CD200R1L: variants seen among roughly 807,000 people sequenced by gnomAD.
The protein encoded by CD200R1L is CD200 receptor 1 like.
CD200R1L carries 14 observed loss-of-function variants against 24.8 expected under a neutral mutation model. The ratio of observed to expected loss-of-function variants is 0.56; its 90% confidence interval spans 0.37 to 0.88. The LOEUF (loss-of-function observed/expected upper bound fraction) is 0.88, where lower values mean the gene tolerates loss of function less well. Ranked by LOEUF, CD200R1L falls within the 40% of genes least tolerant of loss-of-function variation. CD200R1L has a pLI of 0.00. For missense variants in CD200R1L, 299 were observed against 297.8 expected (o/e 1.00, Z -0.03); for synonymous variants, 111 against 109.2 (o/e 1.02, Z -0.11).
chr3:112,831,099 T>C (rs1178315174), intron 3 of CD200R1L, among the ~76,000 whole-genome samples: 1 of 152,238 alleles, frequency 6.6e-6, no homozygotes, highest in Non-Finnish European at 1.5e-5. Flanking sequence ...CTTATAAGTA[T>C]AATTTTTAAG....
intron 6 of CD200R1L, among the ~76,000 whole-genome samples, chr3:112,826,569 A>T (rs1938661842): frequency 6.6e-6 from 1 of 152,236 alleles, no homozygotes; most frequent in Non-Finnish European, 1.5e-5. Context: ...AATAGCATTC[A>T]ATAAATATTT....
intron 4 of CD200R1L, among the ~76,000 whole-genome samples, 184 bp downstream of exon 4, chr3:112,829,135 G>C (rs1327337557): frequency 6.6e-6 from 1 of 152,218 alleles, no homozygotes; most frequent in African/African-American, 2.4e-5. Flanking sequence ...AGGTAAGCAA[G>C]AGTATGGCTT....
intron 2 of CD200R1L, 63 bp downstream of exon 2, chr3:112,845,616 A>G: frequency 9.0e-7 from 1 of 1,113,444 alleles, no homozygotes; most frequent in Non-Finnish European, 1.4e-6. Flanking sequence ...GATCAAGAGT[A>G]TCCTCATAAT....
At chr3:112,835,391 A>G (rs1228812847) in intron 3 of CD200R1L, among the ~76,000 whole-genome samples, 1 of 152,178 alleles carries the variant, frequency 6.6e-6, no homozygotes, top group African/African-American at 2.4e-5. Flanking sequence ...TGCTCTCTAC[A>G]GGCAGGTTGT....
intron 2 of CD200R1L, 86 bp downstream of exon 2, chr3:112,845,593 T>C: frequency 9.1e-7 from 1 of 1,100,834 alleles, no homozygotes; most frequent in Non-Finnish European, 1.4e-6. Flanking sequence ...AAGAAACACC[T>C]TATAAGTAAG....
chr3:112,819,941 A>G (rs1434253409), intron 6 of CD200R1L, 46 bp from the exon 7 acceptor site: 1 of 1,517,852 alleles, frequency 6.6e-7, no homozygotes. Context: ...GCATTCTTCT[A>G]GTTACAAATT....
At chr3:112,837,526 A>G (rs1485032687) in intron 3 of CD200R1L, among the ~76,000 whole-genome samples, 2 of 152,194 alleles carry the variant, frequency 1.3e-5, no homozygotes, top group Non-Finnish European at 2.9e-5. Context: ...TTAGTCCACA[A>G]TGATCCCCTG....
intron 3 of CD200R1L, among the ~76,000 whole-genome samples, chr3:112,831,157 G>C (rs2107343106): frequency 6.6e-6 from 1 of 152,244 alleles, no homozygotes; most frequent in East Asian, 1.9e-4. Context: ...TTTAATTTCT[G>C]TTTTACAATG....
intron 6 of CD200R1L, among the ~76,000 whole-genome samples, chr3:112,826,618 G>A (rs538007048): frequency 2.2e-4 from 33 of 152,118 alleles, no homozygotes; most frequent in Admixed American, 9.2e-4. Context: ...ATGATGAGAC[G>A]GGAAGAATTA....
intron 3 of CD200R1L, among the ~76,000 whole-genome samples, chr3:112,837,272 T>C (rs1201633300): frequency 6.6e-6 from 1 of 152,248 alleles, no homozygotes; most frequent in Non-Finnish European, 1.5e-5. Flanking sequence ...CCATTTAGAA[T>C]AGTCTTTATC....
chr3:112,818,585 C>G (rs1409283194), intron 7 of CD200R1L, among the ~76,000 whole-genome samples: 1 of 152,214 alleles, frequency 6.6e-6, no homozygotes, highest in Non-Finnish European at 1.5e-5. Context: ...GACAGTGCTT[C>G]CAGTGGCTCC....
rs542934081 is a variant in CD200R1L, at chr3:112,829,228, G to C, written c.49+91C>G. On this transcript the variant is annotated intron_variant, in intron 4 of 7. Transcript: ENST00000488794. Reference sequence around the variant, plus strand: ...AACATGTTCTTCAAGTAGTCACAAGGCTGGCCTCCAGCCAGGCCATCAGCT... The same window carrying C: ...AACATGTTCTTCAAGTAGTCACAAGCCTGGCCTCCAGCCAGGCCATCAGCT... 115 of 957,302 alleles carry C rather than the reference G, an allele frequency of 1.2e-4. 1 individual carries two copies. The South Asian group carries it at 1.5e-3, about 13-fold the overall frequency. The allele number at this position is 957,302 out of a possible 1,614,324, so 59.3% of individuals were successfully genotyped here.
At chr3:112,839,349 A>G (rs533027045) in intron 2 of CD200R1L, among the ~76,000 whole-genome samples, 3 of 152,346 alleles carry the variant, frequency 2.0e-5, no homozygotes, top group Non-Finnish European at 4.4e-5. Flanking sequence ...TCACAACTGG[A>G]TAATCCTAGT....
chr3:112,844,475 A>C (rs1939154762), intron 2 of CD200R1L, among the ~76,000 whole-genome samples: 1 of 152,228 alleles, frequency 6.6e-6, no homozygotes, highest in South Asian at 2.1e-4. Flanking sequence ...TTAAGGAAGA[A>C]ATCAAAAACT....
intron 3 of CD200R1L, among the ~76,000 whole-genome samples, chr3:112,832,488 G>A (rs527787475): frequency 7.9e-5 from 12 of 152,098 alleles, no homozygotes; most frequent in African/African-American, 2.2e-4. Context: ...CCCCCTTGGC[G>A]AAGATAGTAA....
rs919030382 is a variant in CD200R1L at position 112,846,728 on chromosome 3, C to A, written c.-462G>T. On this transcript the variant is annotated 5_prime_UTR_variant, in exon 1 of 8. Coordinates refer to ENST00000488794, the MANE Select transcript of CD200R1L (RefSeq NM_001199215.3). ...GTCCCTAATCCAATATGACTGGCGT[C>A]TTTGGTTTATTCTTTTTTTCTTCTT... The A allele has an allele frequency of 3.4e-4, 52 of 152,278 alleles. No individual in the cohort carries two copies. The highest frequency in any genetic ancestry group is 8.9e-4 in the African/African-American group (37 of 41,556). The allele number at this position is 152,278 out of a possible 1,614,324, so 9.4% of individuals were successfully genotyped here.
rs1242173718 is a variant in CD200R1L, at chr3:112,827,000, C to G, written c.609G>C (p.Leu203Phe). 6.2e-7 allele frequency: 1 copy of G among 1,600,750 alleles called. No homozygotes were observed. The highest frequency in any genetic ancestry group is 2.2e-5 in the East Asian group (1 of 44,740). Reference sequence around the variant, plus strand: ...CAAGAAACAGGCGCTTACCTGAATTCAACTTTACGGACAGACTCTTGTTGC... The same window carrying G: ...CAAGAAACAGGCGCTTACCTGAATTGAACTTTACGGACAGACTCTTGTTGC... The part of the protein sequence containing the change: ...LTGNKSLSVK[L>F]NSGLRTSGSP... The change falls in exon 6 of 8, where the codon TTG (leucine) becomes TTC (phenylalanine). Residue 203 changes from leucine to phenylalanine, a missense_variant. By Grantham distance (22) the Leu-to-Phe change is conservative. Coordinates refer to ENST00000488794, the MANE Select transcript of CD200R1L (RefSeq NM_001199215.3).
chr3:112,838,020 A>G lies in CD200R1L; in HGVS notation c.-86-10T>C. The stretch of plus-strand genomic sequence containing the variant: ...GAATTATTATCTGAGGCTAGAAAAT[A>G]TTTAAAGAAGAAATATGGAGAAAAT... On this transcript the variant is annotated splice_polypyrimidine_tract_variant and intron_variant, in intron 2 of 7. Transcript: ENST00000488794. 1 of 1,189,304 alleles carries G rather than the reference A, an allele frequency of 8.4e-7. No homozygotes were observed. The highest frequency in any genetic ancestry group is 1.4e-5 in the South Asian group (1 of 71,670). 73.7% of individuals were successfully genotyped at this position (1,189,304 alleles called of 1,614,324 possible).
chr3:112,834,597 C>T (rs1262789515), intron 3 of CD200R1L, among the ~76,000 whole-genome samples: 1 of 152,182 alleles, frequency 6.6e-6, no homozygotes, highest in Admixed American at 6.5e-5. Context: ...GTCACTTTGC[C>T]AGCTGGAAAC....
Sources: allele counts gnomAD v4.1 joint callset (sites outside exome capture counted in the v4.1 genomes callset), GRCh38; gene constraint gnomAD v4.1.1; transcripts MANE v1.5; gene names NCBI Gene and HGNC (gene_info 2026-07-23, HGNC 2026-07-21).